The following CCDC91 variants were observed in gnomAD, a reference collection of about 807,000 sequenced individuals.
The protein encoded by CCDC91 is coiled-coil domain containing 91.
Under a neutral mutation model 63.2 loss-of-function variants are expected in CCDC91, and 48 were observed. That is an observed-to-expected ratio of 0.76 (90% CI 0.60 to 0.97). The LOEUF is 0.97. Ranked by LOEUF, CCDC91 falls within the 50% of genes least tolerant of loss-of-function variation. The pLI is 0.00. For synonymous variants in CCDC91, 167 were observed against 165.8 expected (o/e 1.01, Z -0.06); for missense variants, 500 against 494.6 (o/e 1.01, Z -0.10).
At chr12:28,524,586 T>A (rs1336085277) in intron 12 of CCDC91, among the ~76,000 whole-genome samples, 1 of 152,104 alleles carries the variant, frequency 6.6e-6, no homozygotes, top group African/African-American at 2.4e-5. Flanking sequence ...CCTTTCCTGA[T>A]TTAGATATTA....
rs544234503 is a variant in CCDC91 at position 28,423,236 on chromosome 12, A to C, written c.763-26925A>C. Among the ~76,000 whole-genome samples the C allele has an allele frequency of 4.6e-5, 7 of 152,274 alleles. No individual in the cohort carries two copies. The South Asian group carries it at 1.4e-3, about 32-fold the overall frequency. ...AAATAGAGAAAAATTCTTAACTTTC[A>C]AAAAGAATATTTATATTTTGCAAAC... On this transcript the variant is annotated intron_variant, in intron 8 of 12. Coordinates refer to ENST00000536442, the MANE Select transcript of CCDC91 (RefSeq NM_018318.5).
chr12:28,451,048 A>G (rs1409626474), intron 10 of CCDC91, among the ~76,000 whole-genome samples: 1 of 151,778 alleles, frequency 6.6e-6, no homozygotes, highest in Non-Finnish European at 1.5e-5. Flanking sequence ...TCATATATCT[A>G]TGTCATAGAA....
intron 3 of CCDC91, among the ~76,000 whole-genome samples, chr12:28,272,146 T>A (rs1947815222): frequency 6.6e-6 from 1 of 151,958 alleles, no homozygotes; most frequent in Admixed American, 6.6e-5. Context: ...CTTTTCTTTC[T>A]GGATCACTTC....
intron 12 of CCDC91, among the ~76,000 whole-genome samples, chr12:28,502,656 G>A (rs1402911522): frequency 2.0e-5 from 3 of 151,266 alleles, no homozygotes. Context: ...CAAAGCTGGA[G>A]GCATCATGCT....
chr12:28,291,999 C>G (rs1228084913), intron 3 of CCDC91, among the ~76,000 whole-genome samples: 3 of 152,202 alleles, frequency 2.0e-5, no homozygotes. Context: ...CGTTTATTAG[C>G]AGTTCCTTGG....
rs147977520 is a variant in CCDC91, at chr12:28,529,266, G to T, written c.1216-19797G>T. ...CTCTTAAATTTTAAAAGTTTATTCA[G>T]AATCTTCCGCAGAGCTTTGCCTAGA... On this transcript the variant is annotated intron_variant, in intron 12 of 12. Coordinates refer to ENST00000536442, the MANE Select transcript of CCDC91 (RefSeq NM_018318.5). Among the ~76,000 whole-genome samples the T allele has an allele frequency of 3.9e-5, 6 of 152,252 alleles. No homozygotes were observed. In the East Asian group the frequency reaches 1.2e-3, roughly 29 times the overall value.
chr12:28,499,836 T>G (rs565118807), intron 12 of CCDC91, among the ~76,000 whole-genome samples: 162 of 152,254 alleles, frequency 1.1e-3, no homozygotes, highest in African/African-American at 2.5e-3. Flanking sequence ...GTAGAATGAT[T>G]TATAATCCTT....
At chr12:28,302,088 T>C (rs1161895685) in intron 3 of CCDC91, among the ~76,000 whole-genome samples, 1 of 151,958 alleles carries the variant, frequency 6.6e-6, no homozygotes, top group Admixed American at 6.6e-5. Flanking sequence ...TTGTTTCTTT[T>C]TTAGTTTGAG....
At chr12:28,528,451 C>T (rs2141577506) in intron 12 of CCDC91, among the ~76,000 whole-genome samples, 1 of 152,320 alleles carries the variant, frequency 6.6e-6, no homozygotes, top group Non-Finnish European at 1.5e-5. Context: ...TTCCTGCTTC[C>T]ACAGTTTGGG....
chr12:28,305,851 A>T (rs771365475), intron 4 of CCDC91, 45 bp downstream of exon 4: 2 of 1,473,066 alleles, frequency 1.4e-6, no homozygotes, highest in African/African-American at 1.4e-5. Context: ...TATTTAAAAA[A>T]TTGCCTGCTA....
chr12:28,247,856 A>G (rs912377657), intron 1 of CCDC91, among the ~76,000 whole-genome samples: 2 of 152,152 alleles, frequency 1.3e-5, no homozygotes, highest in Non-Finnish European at 2.9e-5. Context: ...ATCAGGCATT[A>G]GTTAGATTCT....
intron 1 of CCDC91, chr12:28,255,422 G>A (rs183151606): frequency 6.6e-6 from 1 of 152,222 alleles, no homozygotes; most frequent in East Asian, 1.9e-4. Context: ...GTTTGACTTG[G>A]TTAATTCTTG....
chr12:28,478,094 A>G (rs982658171), intron 11 of CCDC91, among the ~76,000 whole-genome samples: 1 of 152,228 alleles, frequency 6.6e-6, no homozygotes, highest in African/African-American at 2.4e-5. Context: ...CTTTCTTCAC[A>G]GAATTGGAAG....
intron 3 of CCDC91, among the ~76,000 whole-genome samples, chr12:28,267,030 T>C (rs1446220569): frequency 2.6e-5 from 4 of 151,922 alleles, no homozygotes; most frequent in Non-Finnish European, 5.9e-5. Flanking sequence ...TCAGAAAAGA[T>C]ACTTTTTATT....
intron 1 of CCDC91, among the ~76,000 whole-genome samples, chr12:28,228,171 G>A (rs1178236828): frequency 6.6e-6 from 1 of 151,864 alleles, no homozygotes; most frequent in East Asian, 1.9e-4. Flanking sequence ...TGGTATTTTT[G>A]GTTTGCCATA....
intron 1 of CCDC91, among the ~76,000 whole-genome samples, chr12:28,242,654 A>G (rs1206279693): frequency 6.6e-6 from 1 of 152,154 alleles, no homozygotes. Context: ...GGTTGTTATC[A>G]AAGAGTTTCC....
intron 8 of CCDC91, among the ~76,000 whole-genome samples, chr12:28,447,086 G>C (rs975862365): frequency 1.2e-4 from 18 of 152,078 alleles, no homozygotes; most frequent in African/African-American, 4.1e-4. Context: ...TATACAACTT[G>C]CTCAACCTTC....
chr12:28,413,821 G>C (rs1293600368), intron 8 of CCDC91, among the ~76,000 whole-genome samples: 2 of 152,188 alleles, frequency 1.3e-5, no homozygotes, highest in Non-Finnish European at 2.9e-5. Context: ...AAATTCAATA[G>C]TTTAACTTTT....
intron 11 of CCDC91, among the ~76,000 whole-genome samples, chr12:28,478,035 C>T (rs1334579203): frequency 6.6e-6 from 1 of 152,092 alleles, no homozygotes; most frequent in African/African-American, 2.4e-5. Flanking sequence ...GGCCATACTG[C>T]CCAAGGTAAT....
Sources: allele counts gnomAD v4.1 joint callset (sites outside exome capture counted in the v4.1 genomes callset), GRCh38; gene constraint gnomAD v4.1.1; transcripts MANE v1.5; gene names NCBI Gene and HGNC (gene_info 2026-07-23, HGNC 2026-07-21).